CNTNAP2: variants seen among roughly 807,000 people sequenced by gnomAD.
CNTNAP2 encodes the protein contactin associated protein 2.
Under a neutral mutation model 155.2 loss-of-function variants are expected in CNTNAP2, and 98 were observed. The ratio of observed to expected loss-of-function variants is 0.63; its 90% CI spans 0.54 to 0.75. The LOEUF is 0.75. Among genes scored for constraint, CNTNAP2 ranks in the 30% least tolerant of loss-of-function variants. The pLI is 0.00. For missense variants in CNTNAP2, 1,727 were observed against 1,688.1 expected, an observed-to-expected ratio of 1.02 and a Z score of -0.40; for synonymous variants, 651 against 631.2, an observed-to-expected ratio of 1.03 and a Z score of -0.47.
intron 1 of CNTNAP2, among the ~76,000 whole-genome samples, chr7:146,616,466 G>A (rs926098736): frequency 6.6e-6 from 1 of 152,128 alleles, no homozygotes; most frequent in Non-Finnish European, 1.5e-5. Flanking sequence ...CTTTCTAACC[G>A]AAACCATCTT....
At chr7:146,267,921 T>C (rs1046839566) in intron 1 of CNTNAP2, among the ~76,000 whole-genome samples, 3 of 152,158 alleles carry the variant, frequency 2.0e-5, no homozygotes, top group Non-Finnish European at 4.4e-5. Flanking sequence ...ATTTGATCAA[T>C]AAACATATGT....
chr7:147,136,681 T>G (rs1801487221), intron 8 of CNTNAP2, among the ~76,000 whole-genome samples: 1 of 151,948 alleles, frequency 6.6e-6, no homozygotes, highest in African/African-American at 2.4e-5. Flanking sequence ...TATGAACACT[T>G]GGAAATGTAG....
chr7:147,917,959 A>T (rs1207970408), intron 14 of CNTNAP2, among the ~76,000 whole-genome samples: 2 of 152,128 alleles, frequency 1.3e-5, no homozygotes, highest in Non-Finnish European at 2.9e-5. Context: ...AACTCTTCAC[A>T]TATCTGCGTT....
chr7:147,842,013 G>A (rs1415935723), intron 13 of CNTNAP2, among the ~76,000 whole-genome samples: 1 of 151,974 alleles, frequency 6.6e-6, no homozygotes, highest in African/African-American at 2.4e-5. Flanking sequence ...GTTTATATTG[G>A]TCAAAGTTGC....
intron 1 of CNTNAP2, among the ~76,000 whole-genome samples, chr7:146,512,865 T>C (rs900218753): frequency 6.6e-6 from 1 of 152,012 alleles, no homozygotes. Flanking sequence ...CTGGATGATC[T>C]GTCCATTACT....
intron 1 of CNTNAP2, among the ~76,000 whole-genome samples, chr7:146,263,279 A>AGGG (rs1563013335): frequency 4.1e-5 from 6 of 145,782 alleles, no homozygotes; most frequent in East Asian, 3.9e-4. Flanking sequence ...GGGAGGGAGG[A>AGGG]AGGAAGGAAG....
At position 146,952,013 on chromosome 7, in the gene CNTNAP2, C is replaced by T. The variant is rs946724061; in HGVS notation, c.403-91894C>T. 1.3e-5 allele frequency among the ~76,000 whole-genome samples: 2 copies of T among 151,854 alleles called. 1 individual carries two copies. Among genetic ancestry groups the T allele is most frequent in the Non-Finnish European group, 2.9e-5 (2 of 67,930 alleles). On this transcript the variant is annotated intron_variant, in intron 3 of 23. Coordinates refer to ENST00000361727, the MANE Select transcript of CNTNAP2 (RefSeq NM_014141.6). Reference sequence around the variant, plus strand: ...TCAGGCCAGTATCCCTGATGAACATCGACACAAAAATCCTCAATAAAATAC... The same window carrying T: ...TCAGGCCAGTATCCCTGATGAACATTGACACAAAAATCCTCAATAAAATAC...
At chr7:147,703,188 C>T (rs969903014) in intron 13 of CNTNAP2, among the ~76,000 whole-genome samples, 9 of 152,092 alleles carry the variant, frequency 5.9e-5, no homozygotes, top group South Asian at 2.1e-4. Flanking sequence ...CGAGAGAAGA[C>T]GATTTGCTTC....
In CNTNAP2 at chr7:148,288,048, C is replaced by G. The variant is rs560114948; in HGVS notation, c.3475+20922C>G. ...TTCGTGATCGGCCCGCCTTGGCCCC[C>G]CAAAGTGCGGGGATTACAGGCGTGA... On this transcript the variant is annotated intron_variant, in intron 21 of 23. Coordinates refer to ENST00000361727, the MANE Select transcript of CNTNAP2 (RefSeq NM_014141.6). Among the ~76,000 whole-genome samples the G allele has an allele frequency of 1.3e-4, 19 of 151,726 alleles. No homozygotes were observed. The East Asian group carries it at 2.3e-3, about 19-fold the overall frequency.
intron 10 of CNTNAP2, among the ~76,000 whole-genome samples, chr7:147,440,374 G>A (rs913504443): frequency 5.9e-5 from 9 of 151,914 alleles, no homozygotes; most frequent in African/African-American, 9.7e-5. Flanking sequence ...CCCTAATTTC[G>A]TCCCCTGGTT....
chr7:146,803,314 A>G (rs1802913032), intron 2 of CNTNAP2, among the ~76,000 whole-genome samples: 1 of 152,248 alleles, frequency 6.6e-6, no homozygotes, highest in South Asian at 2.1e-4. Context: ...CGTTCATTGC[A>G]GTAAAATGAG....
chr7:148,012,645 TC>T (rs1416957940), intron 15 of CNTNAP2, among the ~76,000 whole-genome samples: 1 of 152,210 alleles, frequency 6.6e-6, no homozygotes, highest in Non-Finnish European at 1.5e-5. Context: ...ATAAGTAAAT[TC>T]AGAGTTGCCT....
chr7:146,937,698 C>T lies in CNTNAP2; in HGVS notation c.402+97794C>T, dbSNP rs117139341. 7.3e-3 allele frequency among the ~76,000 whole-genome samples: 1,115 copies of T among 152,160 alleles called. 7 individuals carry two copies. Among genetic ancestry groups the T allele is most frequent in the Admixed American group, 0.01 (158 of 15,274 alleles). On this transcript the variant is annotated intron_variant, in intron 3 of 23. Transcript: ENST00000361727. ...ACTTTTATTTTATTAAAAAAATGCACGTGTAAGAGAGATGGTGTTGAATAT... is the reference window on the plus strand; with the variant it reads ...ACTTTTATTTTATTAAAAAAATGCATGTGTAAGAGAGATGGTGTTGAATAT...
intron 11 of CNTNAP2, among the ~76,000 whole-genome samples, chr7:147,525,200 A>G (rs886698848): frequency 6.6e-6 from 1 of 152,224 alleles, no homozygotes; most frequent in African/African-American, 2.4e-5. Flanking sequence ...AATCAGAAAC[A>G]TGTCTTTGTT....
At chr7:146,439,120 A>G (rs1266554530) in intron 1 of CNTNAP2, among the ~76,000 whole-genome samples, 1 of 151,534 alleles carries the variant, frequency 6.6e-6, no homozygotes, top group African/African-American at 2.4e-5. Context: ...ACATTAATAC[A>G]TCTGTTCTCT....
At chr7:148,045,335 G>C (rs1379642962) in intron 15 of CNTNAP2, among the ~76,000 whole-genome samples, 4 of 152,038 alleles carry the variant, frequency 2.6e-5, no homozygotes, top group Non-Finnish European at 5.9e-5. Flanking sequence ...GTGGGTGGTG[G>C]GGGGCGTTAC....
chr7:146,887,121 A>T (rs1795681519), intron 3 of CNTNAP2, among the ~76,000 whole-genome samples: 1 of 151,716 alleles, frequency 6.6e-6, no homozygotes, highest in Non-Finnish European at 1.5e-5. Context: ...TCTATCTCAG[A>T]TATCTAGATA....
At chr7:146,503,008 G>A (rs74576827) in intron 1 of CNTNAP2, among the ~76,000 whole-genome samples, 12,988 of 152,178 alleles carry the variant, frequency 0.085, 1,469 homozygotes, top group African/African-American at 0.26. Context: ...CTTCTTTTGA[G>A]AAATTTCTAG....
chr7:146,200,648 T>C (rs1378067319), intron 1 of CNTNAP2, among the ~76,000 whole-genome samples: 4 of 152,284 alleles, frequency 2.6e-5, no homozygotes, highest in Non-Finnish European at 5.9e-5. Context: ...GAGAGTAACA[T>C]GTACCAATGT....
Sources: allele counts gnomAD v4.1 joint callset (sites outside exome capture counted in the v4.1 genomes callset), GRCh38; gene constraint gnomAD v4.1.1; transcripts MANE v1.5; gene names NCBI Gene and HGNC (gene_info 2026-07-23, HGNC 2026-07-21).